The following SLC25A26 variants were observed in gnomAD, a reference collection of about 807,000 sequenced individuals.
SLC25A26 encodes the protein mitochondrial S-adenosylmethionine carrier protein.
In SLC25A26, 36 loss-of-function variants were observed where a neutral mutation model predicts 37.8. That is an observed-to-expected ratio of 0.95 (90% CI 0.73 to 1.26). The LOEUF (loss-of-function observed/expected upper bound fraction) is 1.26. Ranked by LOEUF, SLC25A26 falls within the 50% of genes most tolerant of loss-of-function variation. The pLI is 0.00. For missense variants in SLC25A26, 390 were observed against 331.1 expected, an observed-to-expected ratio of 1.18 and a Z score of -1.38; for synonymous variants, 129 against 122.5, an observed-to-expected ratio of 1.05 and a Z score of -0.35.
intron 1 of SLC25A26, among the ~76,000 whole-genome samples, chr3:66,137,339 G>T (rs906848827): frequency 6.7e-6 from 1 of 148,994 alleles, no homozygotes; most frequent in South Asian, 2.1e-4. Context: ...CAATTCTTCT[G>T]CCTCAGCCTC....
At chr3:66,249,833 G>T (rs1454330445) in intron 3 of SLC25A26, among the ~76,000 whole-genome samples, 1 of 152,072 alleles carries the variant, frequency 6.6e-6, no homozygotes, top group Non-Finnish European at 1.5e-5. Context: ...GATGAATGAA[G>T]GTTCATCAAT....
chr3:66,217,695 C>T (rs978781490), upstream of SLC25A26, among the ~76,000 whole-genome samples: 6 of 151,978 alleles, frequency 3.9e-5, no homozygotes, highest in East Asian at 1.9e-4. Flanking sequence ...ACTCCAGGCG[C>T]GCATCACCAC....
intron 5 of SLC25A26, among the ~76,000 whole-genome samples, chr3:66,277,272 C>A (rs780456319): frequency 6.6e-6 from 1 of 151,996 alleles, no homozygotes; most frequent in Non-Finnish European, 1.5e-5. Flanking sequence ...CTGATTTCAT[C>A]CAGAAATACG....
At chr3:66,297,347 A>G (rs2074937247) in intron 5 of SLC25A26, among the ~76,000 whole-genome samples, 2 of 150,656 alleles carry the variant, frequency 1.3e-5, no homozygotes, top group Non-Finnish European at 3.0e-5. Context: ...AAAAAAAAAA[A>G]AGAATGTCTG....
chr3:66,212,340 T>G (rs1051063922), intron 1 of SLC25A26, among the ~76,000 whole-genome samples: 2 of 152,034 alleles, frequency 1.3e-5, no homozygotes, highest in African/African-American at 4.8e-5. Context: ...GGCCTCAGAC[T>G]CCTGGCTTGA....
chr3:66,210,318 T>G (rs1204488325), intron 1 of SLC25A26, among the ~76,000 whole-genome samples: 1 of 151,946 alleles, frequency 6.6e-6, no homozygotes, highest in Non-Finnish European at 1.5e-5. Flanking sequence ...AATATGATGC[T>G]ATGGGACAAA....
At chr3:66,288,493 C>G (rs1406257401) in intron 5 of SLC25A26, among the ~76,000 whole-genome samples, 2 of 152,006 alleles carry the variant, frequency 1.3e-5, no homozygotes. Flanking sequence ...TACCCCTCGA[C>G]AGGCCCCAGT....
rs781692480 is a variant in SLC25A26, at chr3:66,362,935, A to C, written c.568+6A>C. The C allele has an allele frequency of 8.4e-5, 134 of 1,591,592 alleles. No individual in the cohort carries two copies. The Middle Eastern group carries it at 1.2e-3, about 14-fold the overall frequency. On this transcript the variant is annotated splice_donor_region_variant and intron_variant, in intron 7 of 9. Coordinates refer to ENST00000354883, the MANE Select transcript of SLC25A26 (RefSeq NM_001379210.1). ...AGTCTGTGGAGCTTTTGCAGGTGCAAAGGATTATATTATACTGGGAAAGAC... is the reference window on the plus strand; with the variant it reads ...AGTCTGTGGAGCTTTTGCAGGTGCACAGGATTATATTATACTGGGAAAGAC...
At chr3:66,206,707 T>C in intron 1 of SLC25A26, among the ~76,000 whole-genome samples, 1 of 124,180 alleles carries the variant, frequency 8.1e-6, no homozygotes, top group East Asian at 2.0e-4. Context: ...TACAGGTTCT[T>C]TTTTTTTTTT....
chr3:66,324,861 T>C (rs2075796139), intron 5 of SLC25A26, among the ~76,000 whole-genome samples: 1 of 152,196 alleles, frequency 6.6e-6, no homozygotes. Flanking sequence ...AAAATCTTTT[T>C]TCTTTACTCT....
chr3:66,300,191 A>C lies in SLC25A26; in HGVS notation c.453+36812A>C, dbSNP rs560410226. 2.0e-5 allele frequency among the ~76,000 whole-genome samples: 3 copies of C among 151,460 alleles called. No individual in the cohort carries two copies. In the South Asian group the frequency reaches 6.2e-4, roughly 32 times the overall value. ...GGTTTGAACCAAGCTAATCAAATTT[A>C]ATTATAGCTTAAATCCCGTTACAGT... On this transcript the variant is annotated intron_variant, in intron 5 of 9. Transcript: ENST00000354883.
intron 1 of SLC25A26, among the ~76,000 whole-genome samples, chr3:66,183,383 C>T: frequency 6.6e-6 from 1 of 152,000 alleles, no homozygotes. Context: ...TGTCTATAGG[C>T]AGACTCTAAC....
intron 5 of SLC25A26, among the ~76,000 whole-genome samples, chr3:66,338,903 G>A (rs893461380): frequency 1.4e-4 from 21 of 151,888 alleles, no homozygotes; most frequent in African/African-American, 4.6e-4. Context: ...GGCATGTATC[G>A]GAACTTTATT....
At chr3:66,320,467 C>T (rs903115131) in intron 5 of SLC25A26, among the ~76,000 whole-genome samples, 3 of 152,164 alleles carry the variant, frequency 2.0e-5, no homozygotes, top group African/African-American at 7.2e-5. Context: ...TATTACATGG[C>T]ATGGATATAC....
At position 66,298,156 on chromosome 3, in the gene SLC25A26, C is replaced by T. The variant is rs151027760; in HGVS notation, c.453+34777C>T. On this transcript the variant is annotated intron_variant, in intron 5 of 9. Transcript: ENST00000354883. ...ATACACCCTCTGCATGATTCTGATG[C>T]ATTCTGAAGTGTGAGAACCACTGGA... 8.5e-5 allele frequency among the ~76,000 whole-genome samples: 13 copies of T among 152,238 alleles called. No homozygotes were observed. The East Asian group carries it at 2.3e-3, about 27-fold the overall frequency.
chr3:66,306,305 C>T (rs1005957084), intron 5 of SLC25A26, among the ~76,000 whole-genome samples: 2 of 152,172 alleles, frequency 1.3e-5, no homozygotes, highest in African/African-American at 4.8e-5. Flanking sequence ...TAATAATTGC[C>T]ATTGTGAATG....
At chr3:66,157,357 G>A (rs549225994) in intron 1 of SLC25A26, among the ~76,000 whole-genome samples, 31 of 152,322 alleles carry the variant, frequency 2.0e-4, no homozygotes. Context: ...TGGAAGGCCA[G>A]TGTGAGAGGA....
intron 6 of SLC25A26, among the ~76,000 whole-genome samples, chr3:66,347,020 A>G (rs951645144): frequency 6.6e-6 from 1 of 151,644 alleles, no homozygotes; most frequent in African/African-American, 2.4e-5. Flanking sequence ...GAGCTATTTA[A>G]AAAAAAAACA....
intron 1 of SLC25A26, among the ~76,000 whole-genome samples, chr3:66,149,318 G>A (rs1010272393): frequency 3.3e-5 from 5 of 152,182 alleles, no homozygotes; most frequent in Non-Finnish European, 7.3e-5. Flanking sequence ...AATATTGCCA[G>A]CATGGAGGGA....
Sources: gnomAD v4.1 joint callset for allele counts (sites outside exome capture counted in the v4.1 genomes callset) on GRCh38, gnomAD v4.1.1 for gene constraint, MANE v1.5 for transcripts, NCBI Gene and HGNC (gene_info 2026-07-23, HGNC 2026-07-21) for gene names.